Variants in SLC12A1 observed in about 807,000 individuals in gnomAD.
SLC12A1 encodes the protein solute carrier family 12 member 1.
SLC12A1 carries 89 observed loss-of-function variants against 130.4 expected under a neutral mutation model. That is an observed-to-expected ratio of 0.68 (90% CI 0.58 to 0.81). SLC12A1 has a LOEUF of 0.81. SLC12A1 is among the 40% of genes least tolerant of loss of function. The pLI is 0.00. For synonymous variants in SLC12A1, 499 were observed against 460.0 expected (o/e 1.08, Z -1.09); for missense variants, 1,310 against 1,336.4 (o/e 0.98, Z 0.31).
intron 5 of SLC12A1, chr15:48,228,639 G>T: frequency 3.9e-6 from 1 of 253,958 alleles, no homozygotes; most frequent in South Asian, 4.1e-5. Flanking sequence ...AAGCAAGTTT[G>T]ATTTAAAGAA....
chr15:48,255,626 T>G (rs1324120231), intron 15 of SLC12A1, among the ~76,000 whole-genome samples, 185 bp from the exon 16 acceptor site: 1 of 152,208 alleles, frequency 6.6e-6, no homozygotes, highest in African/African-American at 2.4e-5. Context: ...AAGATTCACG[T>G]AGTATTCATA....
intron 20 of SLC12A1, among the ~76,000 whole-genome samples, chr15:48,277,349 T>A (rs2041964248): frequency 6.6e-6 from 1 of 151,938 alleles, no homozygotes; most frequent in African/African-American, 2.4e-5. Context: ...AACCACTTCA[T>A]CTAAAATTGG....
At chr15:48,278,772 G>A (rs2041981961) in intron 20 of SLC12A1, among the ~76,000 whole-genome samples, 2 of 152,302 alleles carry the variant, frequency 1.3e-5, no homozygotes, top group South Asian at 2.1e-4. Context: ...TTTGCTTTGT[G>A]TGTTATGTTG....
At chr15:48,265,808 A>G (rs1401938148) in intron 17 of SLC12A1, among the ~76,000 whole-genome samples, 5 of 152,330 alleles carry the variant, frequency 3.3e-5, no homozygotes, top group African/African-American at 9.6e-5. Flanking sequence ...CAGAGATTGA[A>G]TGTTGTGTAA....
chr15:48,285,015 C>A (rs961321440), intron 20 of SLC12A1, 91 bp from the exon 21 acceptor site: 1 of 942,686 alleles, frequency 1.1e-6, no homozygotes, highest in Non-Finnish European at 1.6e-6. Flanking sequence ...TTATCACATA[C>A]ATACCATTTT....
intron 20 of SLC12A1, among the ~76,000 whole-genome samples, chr15:48,284,651 T>A (rs1242308201): frequency 3.9e-5 from 6 of 152,258 alleles, no homozygotes; most frequent in Admixed American, 2.0e-4. Flanking sequence ...TTTTCTCTTT[T>A]CTTTTGGAGA....
chr15:48,218,071 A>G (rs1159702603), intron 2 of SLC12A1: 1 of 152,394 alleles, frequency 6.6e-6, no homozygotes, highest in Non-Finnish European at 1.5e-5. Context: ...CAGCCTTCCA[A>G]AGTACTGGGA....
In SLC12A1 at chr15:48,258,360, CAAAAAAAAAA is replaced by C. The variant is rs35613910; in HGVS notation, c.2043-823_2043-814del. Among the ~76,000 whole-genome samples the C allele has an allele frequency of 2.0e-4, 6 of 30,244 alleles. 1 individual carries two copies. Among genetic ancestry groups the C allele is most frequent in the African/African-American group, 1.2e-3 (2 of 1,612 alleles). The allele number at this position is 30,244 out of a possible 152,430, so 19.8% of individuals were successfully genotyped here. A position where few individuals can be genotyped will look rare whatever the true frequency, so the allele number is the denominator to read the frequency against. ...TGGGCGACAGAGCGAGACTCCGTCT[CAAAAAAAAAA>C]AAAAAAAAAAAAAAAAGAGTGACCT... On this transcript the variant is annotated intron_variant, in intron 16 of 26. Coordinates refer to ENST00000380993, the MANE Select transcript of SLC12A1 (RefSeq NM_000338.3).
chr15:48,237,232 C>T, intron 9 of SLC12A1: 2 of 555,030 alleles, frequency 3.6e-6, no homozygotes, highest in South Asian at 4.7e-5. Flanking sequence ...ACATTTGAAA[C>T]AGAAGGAATG....
In SLC12A1 at chr15:48,258,793, A is replaced by G. The variant is rs1195018970; in HGVS notation, c.2043-407A>G. ...AGATTTAATAGACTCACAGTTCCAC[A>G]TGGCTGAGGAGGCCTCACAATCATG... is the stretch of plus-strand genomic sequence containing the variant. On this transcript the variant is annotated intron_variant, in intron 16 of 26. Transcript: ENST00000380993. 7.2e-5 allele frequency among the ~76,000 whole-genome samples: 11 copies of G among 152,222 alleles called. No individual in the cohort carries two copies. In the East Asian group the frequency reaches 1.9e-3, roughly 27 times the overall value.
At chr15:48,298,963 G>C (rs757665944) in intron 24 of SLC12A1, among the ~76,000 whole-genome samples, 177 bp from the exon 25 acceptor site, 7 of 152,154 alleles carry the variant, frequency 4.6e-5, no homozygotes, top group Non-Finnish European at 8.8e-5. Context: ...GGGTAGGGAG[G>C]GAGTACTGTA....
At chr15:48,235,048 A>C (rs757626803) in intron 9 of SLC12A1, 44 bp downstream of exon 9, 2 of 1,598,954 alleles carry the variant, frequency 1.3e-6, no homozygotes, top group Non-Finnish European at 1.7e-6. Context: ...GTGGTGGTAC[A>C]CTTGGTGGGT....
chr15:48,241,104 A>C (rs1395838215), intron 9 of SLC12A1, among the ~76,000 whole-genome samples: 2 of 152,224 alleles, frequency 1.3e-5, no homozygotes, highest in Non-Finnish European at 2.9e-5. Flanking sequence ...TAAGCTCAGT[A>C]TAAAAAAAAT....
chr15:48,301,517 G>C (rs1043713719), intron 26 of SLC12A1, 135 bp downstream of exon 26: 12 of 575,398 alleles, frequency 2.1e-5, no homozygotes, highest in Admixed American at 8.8e-5. Context: ...GGGGGAACAC[G>C]TGGGATTCTT....
chr15:48,259,183 CTT>C lies in SLC12A1; in HGVS notation c.2043-10_2043-9del. 6.5e-7 allele frequency: 1 copy of C among 1,529,234 alleles called. No individual in the cohort carries two copies. Among genetic ancestry groups the C allele is most frequent in the Non-Finnish European group, 9.1e-7 (1 of 1,103,410 alleles). The allele number at this position is 1,529,234 out of a possible 1,614,324, so 94.7% of individuals were successfully genotyped here. A position where few individuals can be genotyped will look rare whatever the true frequency, so the allele number is the denominator to read the frequency against. ...TTCTTGCAGGGGCTCATTTTCACAT[CTT>C]TTTTTTACTTCCAGGCCCCAGTGCA... On this transcript the variant is annotated splice_polypyrimidine_tract_variant and intron_variant, in intron 16 of 26. Transcript: ENST00000380993.
chr15:48,243,450 G>A (rs2041541630), intron 10 of SLC12A1, among the ~76,000 whole-genome samples: 1 of 152,132 alleles, frequency 6.6e-6, no homozygotes, highest in Admixed American at 6.5e-5. Flanking sequence ...GAGGTCAGGA[G>A]TTCAAGACCA....
At chr15:48,273,628 T>C (rs1222015228) in intron 19 of SLC12A1, among the ~76,000 whole-genome samples, 2 of 152,216 alleles carry the variant, frequency 1.3e-5, no homozygotes, top group Non-Finnish European at 2.9e-5. Flanking sequence ...TTGTGACAGC[T>C]TGTGCCAGAA....
Position 48,207,656 on chromosome 15 carries a change from A to C in SLC12A1, c.-64A>C. The C allele has an allele frequency of 1.5e-6, 2 of 1,366,028 alleles. No homozygotes were observed. The highest frequency in any genetic ancestry group is 9.7e-7 in the Non-Finnish European group (1 of 1,026,106). The allele number at this position is 1,366,028 out of a possible 1,614,324, so 84.6% of individuals were successfully genotyped here. A position where few individuals can be genotyped will look rare whatever the true frequency, so the allele number is the denominator to read the frequency against. The stretch of plus-strand genomic sequence containing the variant: ...CACATTAGTGTTTATTTTGATGAAG[A>C]AATATATAGATTTTTTAAAACAACC... On this transcript the variant is annotated 5_prime_UTR_variant, in exon 2 of 27. Coordinates refer to ENST00000380993, the MANE Select transcript of SLC12A1 (RefSeq NM_000338.3).
At chr15:48,237,207 A>G in intron 9 of SLC12A1, 1 of 578,180 alleles carries the variant, frequency 1.7e-6, no homozygotes, top group Non-Finnish European at 3.1e-6. Flanking sequence ...TGCCGACAGG[A>G]CAAAGAAGAG....
Sources: allele counts gnomAD v4.1 joint callset (sites outside exome capture counted in the v4.1 genomes callset), GRCh38; gene constraint gnomAD v4.1.1; transcripts MANE v1.5; gene names NCBI Gene and HGNC (gene_info 2026-07-23, HGNC 2026-07-21).